MAP9: variants seen among roughly 807,000 people sequenced by gnomAD.
MAP9 encodes the protein microtubule-associated protein 9.
In MAP9, 80 loss-of-function variants were observed where a neutral mutation model predicts 75.2. That is an observed-to-expected ratio of 1.06 (90% confidence interval 0.89 to 1.28). The LOEUF is 1.28. MAP9 is among the 50% of genes most tolerant of loss of function. MAP9 has a pLI of 0.00. For missense variants in MAP9, 753 were observed against 719.9 expected (o/e 1.05, Z -0.53); for synonymous variants, 235 against 237.3 (o/e 0.99, Z 0.09).
intron 10 of MAP9, among the ~76,000 whole-genome samples, chr4:155,353,749 G>T (rs994093955): frequency 8.6e-5 from 13 of 151,960 alleles, no homozygotes; most frequent in African/African-American, 3.1e-4. Context: ...TTAGAGTAAG[G>T]CAAATTGGCC....
At chr4:155,361,025 T>C (rs1286738838) in intron 6 of MAP9, 1 of 152,126 alleles carries the variant, frequency 6.6e-6, no homozygotes, top group African/African-American at 2.4e-5. Flanking sequence ...ATAAGAAGAT[T>C]CAGTTTTGCA....
rs1463263531 is a variant in MAP9 at position 155,345,710 on chromosome 4, G to A, written c.*2073C>T. ...TCACAACAACCTAAGAAGTAATAAT[G>A]GTTAGCCACTAAATATGATAATGTA... On this transcript the variant is annotated 3_prime_UTR_variant, in exon 14 of 14. Coordinates refer to ENST00000311277, the MANE Select transcript of MAP9 (RefSeq NM_001039580.2). 3 of 152,010 alleles carry A rather than the reference G, an allele frequency of 2.0e-5. No homozygotes were observed. The highest frequency in any genetic ancestry group is 3.9e-4 in the East Asian group (2 of 5,170). The allele number at this position is 152,010 out of a possible 1,614,324, so 9.4% of individuals were successfully genotyped here. A position where few individuals can be genotyped will look rare whatever the true frequency, so the allele number is the denominator to read the frequency against.
chr4:155,375,716 T>A (rs986416), intron 2 of MAP9, 60 bp downstream of exon 2: 225,035 of 1,097,768 alleles, frequency 0.2, 25,118 homozygotes, highest in African/African-American at 0.4. Context: ...GAATCACCAA[T>A]TTCAACCCAT....
chr4:155,369,018 G>A (rs956529373), intron 4 of MAP9, among the ~76,000 whole-genome samples: 8 of 152,042 alleles, frequency 5.3e-5, no homozygotes, highest in Admixed American at 4.6e-4. Context: ...CGGACGCGGT[G>A]GCTCACGCCT....
In MAP9 at chr4:155,355,852, C is replaced by A; in HGVS notation, c.1154G>T (p.Ser385Ile). ...TGTCGATGGAGTTCTCCTTTTAGAA[C>A]TAGATTTCTTCAAAAACTCAGAGGT... ...LMTSEFLKKSSSKRRTPSTTT... is the reference protein window; with the variant it reads ...LMTSEFLKKSISKRRTPSTTT... Residue 385 changes from serine (S) to isoleucine (I), a missense_variant, in exon 9 of 14, where the codon AGT (serine) becomes ATT (isoleucine). By Grantham distance (142) the Ser-to-Ile change is moderately radical. Transcript: ENST00000311277. The A allele has an allele frequency of 6.2e-7, 1 of 1,613,344 alleles. No individual in the cohort carries two copies.
intron 13 of MAP9, among the ~76,000 whole-genome samples, chr4:155,349,145 C>T (rs1731397174): frequency 1.4e-5 from 1 of 71,778 alleles, no homozygotes. Context: ...AGAGAAGCCA[C>T]TCGTGATAAA....
chr4:155,366,083 A>G (rs1163053854), intron 5 of MAP9, among the ~76,000 whole-genome samples: 5 of 152,174 alleles, frequency 3.3e-5, no homozygotes, highest in Non-Finnish European at 4.4e-5. Context: ...AAAAGAGGCC[A>G]GGCGCCGTGG....
chr4:155,359,003 A>G (rs1215747161), intron 7 of MAP9, among the ~76,000 whole-genome samples: 2 of 152,106 alleles, frequency 1.3e-5, no homozygotes, highest in Admixed American at 6.6e-5. Flanking sequence ...TCTTTATGGA[A>G]AATAGTTTGG....
Position 155,352,611 on chromosome 4 carries a change from T to C in MAP9, c.1806A>G (p.Glu602=), listed in dbSNP as rs781295427. The C allele has an allele frequency of 6.4e-7, 1 of 1,572,264 alleles. No individual in the cohort carries two copies. The highest frequency in any genetic ancestry group is 2.3e-5 in the East Asian group (1 of 44,250). Residue 602 remains glutamate (E), a synonymous_variant, in exon 13 of 14, where the codon GAA becomes GAG. Coordinates refer to ENST00000311277, the MANE Select transcript of MAP9 (RefSeq NM_001039580.2). ...KKDKDKQAIN[E]YEKWLENKEK... is the part of the protein sequence containing the mutation. ...TAATACCTACCAGCCATTTTTCATA[T>C]TCATTAATAGCTTGTTTATCTTTAT...
intron 13 of MAP9, among the ~76,000 whole-genome samples, chr4:155,349,192 G>A (rs914169777): frequency 4.6e-4 from 1 of 2,190 alleles, no homozygotes; most frequent in Admixed American, 4.1e-3. Context: ...CAGTAGTGGT[G>A]AGGGCTCTGA....
rs1415240834 is a variant in MAP9 at position 155,347,906 on chromosome 4, C to A, written c.1822-1G>T. The stretch of plus-strand genomic sequence containing the variant: ...TTCTTTCTTGTTTTTCCTTATTTTC[C>A]TAAAGAGAAAATAGAACACTATAAA... On this transcript the variant is annotated splice_acceptor_variant, in intron 13 of 13. Transcript: ENST00000311277. LOFTEE classifies it high-confidence loss of function. 1.4e-6 allele frequency: 2 copies of A among 1,481,216 alleles called. No homozygotes were observed. The highest frequency in any genetic ancestry group is 1.9e-6 in the Non-Finnish European group (2 of 1,078,158). 91.8% of individuals were successfully genotyped at this position (1,481,216 alleles called of 1,614,324 possible).
intron 4 of MAP9, among the ~76,000 whole-genome samples, chr4:155,372,644 A>G (rs1327513712): frequency 2.6e-5 from 4 of 152,246 alleles, no homozygotes; most frequent in Non-Finnish European, 5.9e-5. Context: ...CAGCAATAAC[A>G]TAACTCATCC....
chr4:155,375,681 C>A, intron 2 of MAP9, 95 bp downstream of exon 2: 2 of 676,368 alleles, frequency 3.0e-6, no homozygotes, highest in East Asian at 2.8e-5. Context: ...TAAGATTTAC[C>A]CCTGCTTTAT....
chr4:155,375,812 T>G lies in MAP9; in HGVS notation c.39A>C (p.Thr13=). ...TTCTTTTGGTAACTTTTGGACTCTT[T>G]GTATATGCCAAAGTGGTGCTAAAAA... ...DEVFSTTLAY[T]KSPKVTKRTT... is the part of the protein sequence containing the mutation. The change falls in exon 2 of 14, where the codon ACA becomes ACC. Residue 13 remains threonine (T), a synonymous_variant. Coordinates refer to ENST00000311277, the MANE Select transcript of MAP9 (RefSeq NM_001039580.2). 1 of 1,610,996 alleles carries G rather than the reference T, an allele frequency of 6.2e-7. No individual in the cohort carries two copies. Among genetic ancestry groups the G allele is most frequent in the Middle Eastern group, 1.7e-4 (1 of 6,040 alleles).
intron 5 of MAP9, among the ~76,000 whole-genome samples, chr4:155,365,409 C>T (rs1732278352): frequency 6.6e-6 from 1 of 152,034 alleles, no homozygotes; most frequent in Non-Finnish European, 1.5e-5. Flanking sequence ...ACAAACATAA[C>T]TGGATATTTT....
intron 1 of MAP9, chr4:155,376,326 C>T (rs2111305420): frequency 6.5e-6 from 1 of 153,780 alleles, no homozygotes; most frequent in African/African-American, 2.4e-5. Flanking sequence ...AAAAATGTAT[C>T]TATATATTTG....
At chr4:155,372,983 T>G (rs1004604088) in intron 4 of MAP9, 153 bp downstream of exon 4, 1 of 524,118 alleles carries the variant, frequency 1.9e-6, no homozygotes, top group African/African-American at 2.0e-5. Flanking sequence ...TCTGTAAAAT[T>G]GAAGTTAGAC....
In MAP9 at chr4:155,375,003, T is replaced by C. The variant is rs73855411; in HGVS notation, c.94A>G (p.Ile32Val). The change falls in exon 3 of 14, where the codon ATT (isoleucine) becomes GTT (valine). Residue 32 changes from isoleucine to valine, a missense_variant. Coordinates refer to ENST00000311277, the MANE Select transcript of MAP9 (RefSeq NM_001039580.2). ...CTTTGTCTGGCTGAGCGAGCTGTAA[T>C]TGCTCTTATTAGCTCATCCTGAAAT... ...TTFQDELIRA[I>V]TARSARQRSS... 480 of 1,582,912 alleles carry C rather than the reference T, an allele frequency of 3.0e-4. No individual in the cohort carries two copies. The African/African-American group carries it at 5.7e-3, about 19-fold the overall frequency.
At chr4:155,357,618 T>A in intron 7 of MAP9, 99 bp from the exon 8 acceptor site, 1 of 706,140 alleles carries the variant, frequency 1.4e-6, no homozygotes, top group Non-Finnish European at 2.5e-6. Context: ...TTTAAGCATC[T>A]ACTATGTGTC....
Sources: allele counts gnomAD v4.1 joint callset (sites outside exome capture counted in the v4.1 genomes callset), GRCh38; gene constraint gnomAD v4.1.1; transcripts MANE v1.5; gene names NCBI Gene and HGNC (gene_info 2026-07-23, HGNC 2026-07-21).